Variants in SKAP2 observed in about 807,000 individuals in gnomAD.
SKAP2 encodes the protein src kinase associated phosphoprotein 2, also known as src kinase-associated phosphoprotein 2.
Under a neutral mutation model 54.9 loss-of-function variants are expected in SKAP2, and 28 were observed. The ratio of observed to expected loss-of-function variants is 0.51; its 90% CI spans 0.38 to 0.70. SKAP2 has a LOEUF of 0.70. Among genes scored for constraint, SKAP2 ranks in the 30% least tolerant of loss-of-function variants. The pLI, the probability that SKAP2 is intolerant of heterozygous loss-of-function variation, is 0.00. For missense variants in SKAP2, 356 were observed against 424.1 expected (o/e 0.84, Z 1.41); for synonymous variants, 137 against 134.3 (o/e 1.02, Z -0.14).
intron 10 of SKAP2, among the ~76,000 whole-genome samples, chr7:26,688,932 T>A (rs780193750): frequency 5.1e-4 from 78 of 152,196 alleles, no homozygotes; most frequent in Admixed American, 2.0e-3. Flanking sequence ...ATACTTAAAC[T>A]ACTATTGAAC....
chr7:26,864,085 C>CG (rs1390023996), intron 1 of SKAP2, among the ~76,000 whole-genome samples: 1 of 97,840 alleles, frequency 1.0e-5, no homozygotes, highest in Non-Finnish European at 2.2e-5. Context: ...ACACACACAC[C>CG]GTCTTCACAA....
downstream of SKAP2, among the ~76,000 whole-genome samples, chr7:26,664,728 G>GA (rs372243207): frequency 0.061 from 6,752 of 110,974 alleles, 383 homozygotes; most frequent in African/African-American, 0.16. Flanking sequence ...AAACTGAAAA[G>GA]AAAAAAAAAA....
chr7:26,662,514 A>G (rs1786029030), downstream of SKAP2, among the ~76,000 whole-genome samples: 1 of 152,120 alleles, frequency 6.6e-6, no homozygotes, highest in African/African-American at 2.4e-5. Context: ...TTTATGCCCT[A>G]TCTTATTCAG....
At chr7:26,687,722 G>C (rs1231865164) in intron 10 of SKAP2, among the ~76,000 whole-genome samples, 1 of 151,932 alleles carries the variant, frequency 6.6e-6, no homozygotes. Flanking sequence ...ATTAAGCACC[G>C]ACAGCCTCAA....
intron 4 of SKAP2, among the ~76,000 whole-genome samples, chr7:26,802,783 A>G (rs1166771551): frequency 6.6e-6 from 1 of 152,052 alleles, no homozygotes; most frequent in Non-Finnish European, 1.5e-5. Flanking sequence ...CGGGAGGGTG[A>G]GGCAGGAGAA....
chr7:26,656,418 G>A, the SKAP2 span, among the ~76,000 whole-genome samples: 2 of 152,160 alleles, frequency 1.3e-5, no homozygotes, highest in South Asian at 2.1e-4. Flanking sequence ...TATCATAGTC[G>A]TTCACTGTGT....
chr7:26,752,474 G>T (rs1448040935), intron 4 of SKAP2, among the ~76,000 whole-genome samples: 1 of 152,114 alleles, frequency 6.6e-6, no homozygotes, highest in Non-Finnish European at 1.5e-5. Flanking sequence ...CAAGTATACA[G>T]CTAACTCCCA....
chr7:26,836,714 T>C (rs1053081642), intron 4 of SKAP2, among the ~76,000 whole-genome samples: 2 of 152,130 alleles, frequency 1.3e-5, no homozygotes, highest in Admixed American at 6.5e-5. Flanking sequence ...TGTGGAGAAA[T>C]AGGAATGCTT....
intron 4 of SKAP2, among the ~76,000 whole-genome samples, chr7:26,813,674 G>T (rs1199625645): frequency 6.6e-6 from 1 of 152,144 alleles, no homozygotes; most frequent in Non-Finnish European, 1.5e-5. Flanking sequence ...GTTGCTGACC[G>T]CTGGCTGAAC....
At chr7:26,695,342 T>A (rs1786872119) in intron 9 of SKAP2, among the ~76,000 whole-genome samples, 1 of 152,238 alleles carries the variant, frequency 6.6e-6, no homozygotes, top group South Asian at 2.1e-4. Context: ...TGCTTAAATG[T>A]TCACATTATA....
intron 4 of SKAP2, among the ~76,000 whole-genome samples, chr7:26,784,930 GAT>G (rs1038148185): frequency 7.9e-5 from 12 of 152,142 alleles, no homozygotes; most frequent in African/African-American, 2.9e-4. Context: ...GTGGGAAGCT[GAT>G]ATGTGATAAA....
At chr7:26,818,751 A>AG (rs1784323801) in intron 4 of SKAP2, among the ~76,000 whole-genome samples, 5 of 152,162 alleles carry the variant, frequency 3.3e-5, no homozygotes, top group Admixed American at 3.3e-4. Context: ...CCCATCAAAA[A>AG]GGGGGTAAAG....
At chr7:26,813,171 A>G (rs1335425787) in intron 4 of SKAP2, among the ~76,000 whole-genome samples, 1 of 152,208 alleles carries the variant, frequency 6.6e-6, no homozygotes, top group African/African-American at 2.4e-5. Context: ...TGGAGACTGC[A>G]AACACCCAGA....
chr7:26,830,358 T>C (rs1284893391), intron 4 of SKAP2, among the ~76,000 whole-genome samples: 2 of 152,152 alleles, frequency 1.3e-5, no homozygotes, highest in Non-Finnish European at 2.9e-5. Context: ...TGTGACCATA[T>C]TAAAAACCAC....
intron 1 of SKAP2, among the ~76,000 whole-genome samples, chr7:26,859,166 A>G (rs183020533): frequency 2.6e-5 from 4 of 151,854 alleles, no homozygotes; most frequent in Admixed American, 2.6e-4. Context: ...ATCTCTCTCT[A>G]CATTGTGAAT....
intron 4 of SKAP2, among the ~76,000 whole-genome samples, chr7:26,774,954 T>C (rs1464785772): frequency 1.4e-4 from 21 of 152,182 alleles, no homozygotes; most frequent in Admixed American, 1.4e-3. Flanking sequence ...TGATTTGGAC[T>C]AAAGAGTTGC....
intron 4 of SKAP2, among the ~76,000 whole-genome samples, chr7:26,759,633 A>G: frequency 6.6e-6 from 1 of 152,114 alleles, no homozygotes; most frequent in East Asian, 1.9e-4. Context: ...CAGAAACCCA[A>G]AGTTTACAAA....
chr7:26,733,705 T>C (rs1787867074), intron 6 of SKAP2, among the ~76,000 whole-genome samples: 1 of 152,214 alleles, frequency 6.6e-6, no homozygotes, highest in South Asian at 2.1e-4. Context: ...TTCTGAAATT[T>C]TGTTATCTTA....
downstream of SKAP2, among the ~76,000 whole-genome samples, chr7:26,662,564 G>A (rs1284046612): frequency 6.6e-6 from 1 of 152,052 alleles, no homozygotes; most frequent in Non-Finnish European, 1.5e-5. Flanking sequence ...CAAATTCTAT[G>A]TTTGAAATAC....
Sources: allele counts gnomAD v4.1 joint callset (sites outside exome capture counted in the v4.1 genomes callset), GRCh38; gene constraint gnomAD v4.1.1; transcripts MANE v1.5; gene names NCBI Gene and HGNC (gene_info 2026-07-23, HGNC 2026-07-21).